TRPS1: variants seen among roughly 807,000 people sequenced by gnomAD.
TRPS1 encodes the protein zinc finger transcription factor Trps1.
TRPS1 carries 6 observed loss-of-function variants against 101.2 expected under a neutral mutation model. The observed-to-expected ratio is 0.06, with a 90% CI of 0.03 to 0.12. The LOEUF (loss-of-function observed/expected upper bound fraction) is 0.12. Among genes scored for constraint, TRPS1 ranks in the 10% least tolerant of loss-of-function variants. The pLI is 1.00. For synonymous variants in TRPS1, 578 were observed against 589.8 expected (o/e 0.98, Z 0.29); for missense variants, 1,363 against 1,567.0 (o/e 0.87, Z 2.20).
At chr8:115,581,851 CAT>C (rs1369308707) in intron 5 of TRPS1, among the ~76,000 whole-genome samples, 3 of 152,084 alleles carry the variant, frequency 2.0e-5, no homozygotes, top group Non-Finnish European at 4.4e-5. Context: ...GAGTTTAAAT[CAT>C]ATATTTTTCA....
At chr8:115,468,604 T>C (rs887006856) in intron 5 of TRPS1, among the ~76,000 whole-genome samples, 10 of 152,088 alleles carry the variant, frequency 6.6e-5, no homozygotes, top group Non-Finnish European at 1.2e-4. Flanking sequence ...GTAAACGACT[T>C]TGAAAAAAGT....
chr8:115,546,703 CTATTA>C (rs549703863), intron 5 of TRPS1, among the ~76,000 whole-genome samples: 1 of 151,906 alleles, frequency 6.6e-6, no homozygotes, highest in African/African-American at 2.4e-5. Context: ...AAAATATCTA[CTATTA>C]TAAGTACCTA....
At chr8:115,550,014 G>A (rs961801112) in intron 5 of TRPS1, among the ~76,000 whole-genome samples, 2 of 152,166 alleles carry the variant, frequency 1.3e-5, no homozygotes, top group African/African-American at 4.8e-5. Context: ...TCAGGAGTTT[G>A]AGACCAGCCT....
intron 5 of TRPS1, among the ~76,000 whole-genome samples, chr8:115,462,824 C>T (rs1037246851): frequency 2.0e-5 from 3 of 152,020 alleles, no homozygotes; most frequent in Admixed American, 1.3e-4. Context: ...TTGATGCGTC[C>T]TTGAGCACCT....
In TRPS1 at chr8:115,661,099, T is replaced by C. The variant is rs984870503; in HGVS notation, c.-122+7446A>G. Among the ~76,000 whole-genome samples, 9 of 152,136 alleles carry C rather than the reference T, an allele frequency of 5.9e-5. No homozygotes were observed. The East Asian group carries it at 1.4e-3, about 23-fold the overall frequency. On this transcript the variant is annotated intron_variant, in intron 1 of 6. Transcript: ENST00000395715. Reference sequence around the variant, plus strand: ...CCTTAACTGCTCCTCTTAACAGAAATGAGACTTAAAAAATGATCTCAGAAG... The same window carrying C: ...CCTTAACTGCTCCTCTTAACAGAAACGAGACTTAAAAAATGATCTCAGAAG...
At chr8:115,529,981 C>A (rs962178109) in intron 5 of TRPS1, among the ~76,000 whole-genome samples, 5 of 152,062 alleles carry the variant, frequency 3.3e-5, no homozygotes, top group Non-Finnish European at 5.9e-5. Flanking sequence ...GAAAATCCAT[C>A]AGAAAGAAAG....
At chr8:115,495,492 T>C (rs1012362738) in intron 5 of TRPS1, among the ~76,000 whole-genome samples, 24 of 149,172 alleles carry the variant, frequency 1.6e-4, no homozygotes, top group African/African-American at 4.4e-4. Context: ...AAATTATATA[T>C]AAATTTATAT....
At chr8:115,443,559 G>A (rs922304359) in intron 5 of TRPS1, among the ~76,000 whole-genome samples, 1 of 152,154 alleles carries the variant, frequency 6.6e-6, no homozygotes, top group Admixed American at 6.5e-5. Context: ...TTGGTAGTCT[G>A]GAGGTAGTGG....
At chr8:115,635,690 G>A (rs1401908646) in intron 1 of TRPS1, among the ~76,000 whole-genome samples, 1 of 152,174 alleles carries the variant, frequency 6.6e-6, no homozygotes, top group Admixed American at 6.5e-5. Flanking sequence ...CAGGTGAAAA[G>A]AGAGGATTGA....
At chr8:115,661,934 A>G (rs1811807692) in intron 1 of TRPS1, among the ~76,000 whole-genome samples, 1 of 151,992 alleles carries the variant, frequency 6.6e-6, no homozygotes, top group Non-Finnish European at 1.5e-5. Context: ...AATTCATTAA[A>G]TAAAAATTTA....
intron 5 of TRPS1, among the ~76,000 whole-genome samples, chr8:115,425,239 C>T (rs1457841480): frequency 1.3e-5 from 2 of 152,176 alleles, no homozygotes; most frequent in Non-Finnish European, 2.9e-5. Context: ...ATGGGCTGTA[C>T]TGCATGTCTT....
chr8:115,533,019 T>C (rs1295465488), intron 5 of TRPS1, among the ~76,000 whole-genome samples: 1 of 152,164 alleles, frequency 6.6e-6, no homozygotes, highest in Non-Finnish European at 1.5e-5. Flanking sequence ...GAACACGGTC[T>C]AAACCAAAGG....
At chr8:115,518,875 T>C (rs924027261) in intron 5 of TRPS1, among the ~76,000 whole-genome samples, 3 of 151,864 alleles carry the variant, frequency 2.0e-5, no homozygotes, top group Admixed American at 2.0e-4. Context: ...AATGCTCATA[T>C]ACAGTCATGT....
intron 5 of TRPS1, among the ~76,000 whole-genome samples, chr8:115,524,446 G>A (rs541957705): frequency 6.7e-6 from 1 of 149,004 alleles, no homozygotes; most frequent in South Asian, 2.1e-4. Context: ...TCAGCCTCCT[G>A]AGTAGCTGGG....
At chr8:115,533,436 G>GTTCTTTTTTTTTTTTTT (rs1816187553) in intron 5 of TRPS1, among the ~76,000 whole-genome samples, 1 of 34,986 alleles carries the variant, frequency 2.9e-5, no homozygotes, top group Non-Finnish European at 5.3e-5. Context: ...CATGTAATCT[G>GTTCTTTTTTTTTTTTTT]TTTTTTTTTT....
At chr8:115,572,811 A>G (rs940013523) in intron 5 of TRPS1, among the ~76,000 whole-genome samples, 11 of 152,070 alleles carry the variant, frequency 7.2e-5, no homozygotes, top group Admixed American at 6.6e-5. Context: ...AGAACAGCTG[A>G]CTCTAGAATT....
At chr8:115,600,964 C>A (rs897487162) in intron 4 of TRPS1, among the ~76,000 whole-genome samples, 1 of 152,062 alleles carries the variant, frequency 6.6e-6, no homozygotes, top group Non-Finnish European at 1.5e-5. Flanking sequence ...AGTGAATGTA[C>A]TAAGTCCCTG....
chr8:115,658,529 A>G (rs1811726775), intron 1 of TRPS1, among the ~76,000 whole-genome samples: 1 of 152,156 alleles, frequency 6.6e-6, no homozygotes, highest in African/African-American at 2.4e-5. Flanking sequence ...GGAAAAATTA[A>G]AAGGAGGGAA....
chr8:115,433,854 G>A (rs1813383276), intron 5 of TRPS1, among the ~76,000 whole-genome samples: 1 of 152,054 alleles, frequency 6.6e-6, no homozygotes, highest in African/African-American at 2.4e-5. Flanking sequence ...CATTTGCCGG[G>A]GAAAAATCAG....
Sources: allele counts gnomAD v4.1 joint callset (sites outside exome capture counted in the v4.1 genomes callset), GRCh38; gene constraint gnomAD v4.1.1; transcripts MANE v1.5; gene names NCBI Gene and HGNC (gene_info 2026-07-23, HGNC 2026-07-21).